GLIPR2: variants seen among roughly 807,000 people sequenced by gnomAD.
GLIPR2 encodes GLI pathogenesis related 2.
Under a neutral mutation model 20.4 loss-of-function variants are expected in GLIPR2, and 21 were observed. The ratio of observed to expected loss-of-function variants is 1.03; its 90% CI spans 0.73 to 1.48. GLIPR2 has a LOEUF of 1.48. Ranked by LOEUF, GLIPR2 falls within the 40% of genes most tolerant of loss-of-function variation. The pLI is 0.00. For synonymous variants in GLIPR2, 91 were observed against 80.5 expected (o/e 1.13, Z -0.70); for missense variants, 205 against 200.1 (o/e 1.02, Z -0.15).
At chr9:36,153,972 C>G (rs1289352086) in intron 4 of GLIPR2, among the ~76,000 whole-genome samples, 1 of 151,588 alleles carries the variant, frequency 6.6e-6, no homozygotes, top group African/African-American at 2.4e-5. Context: ...CAGCCCCACC[C>G]AGGCCAGGCC....
intron 4 of GLIPR2, among the ~76,000 whole-genome samples, chr9:36,154,017 G>A (rs71523103): frequency 2.6e-3 from 394 of 149,624 alleles, no homozygotes; most frequent in Non-Finnish European, 4.5e-3. Context: ...GTCAGTCACC[G>A]CTGTGTGCTG....
chr9:36,163,302 C>G lies in GLIPR2; in HGVS notation c.*780C>G, dbSNP rs1014676620. ...CTGGAGAGTTGGGCTAGGCCTGAAG[C>G]TCCCCCTCCCCCACCTCTGCTAGGC... On this transcript the variant is annotated 3_prime_UTR_variant, in exon 5 of 5. Coordinates refer to ENST00000377960, the MANE Select transcript of GLIPR2 (RefSeq NM_022343.4). 5.2e-6 allele frequency: 1 copy of G among 191,870 alleles called. No homozygotes were observed. Among genetic ancestry groups the G allele is most frequent in the African/African-American group, 2.4e-5 (1 of 41,716 alleles). 11.9% of individuals were successfully genotyped at this position (191,870 alleles called of 1,614,324 possible).
intron 4 of GLIPR2, among the ~76,000 whole-genome samples, chr9:36,159,862 A>G (rs1401999504): frequency 6.6e-6 from 1 of 152,146 alleles, no homozygotes; most frequent in Non-Finnish European, 1.5e-5. Flanking sequence ...GCTACTTGGA[A>G]GGCTGAGGCA....
chr9:36,152,750 CAAA>C (rs1217889590), intron 4 of GLIPR2, among the ~76,000 whole-genome samples: 8 of 41,630 alleles, frequency 1.9e-4, no homozygotes, highest in Non-Finnish European at 2.0e-4. Flanking sequence ...AACTCTGTCT[CAAA>C]AAAAAAAAAA....
intron 1 of GLIPR2, among the ~76,000 whole-genome samples, chr9:36,138,795 G>A (rs899986000): frequency 2.4e-4 from 37 of 152,230 alleles, no homozygotes; most frequent in Non-Finnish European, 1.0e-4. Context: ...AGGTGCTGGT[G>A]AAGGGTGGTG....
At chr9:36,148,279 G>A (rs1206161913) in intron 2 of GLIPR2, among the ~76,000 whole-genome samples, 1 of 151,342 alleles carries the variant, frequency 6.6e-6, no homozygotes, top group Non-Finnish European at 1.5e-5. Flanking sequence ...GGCCCTGCAT[G>A]GTTTTGGGGA....
intron 4 of GLIPR2, among the ~76,000 whole-genome samples, chr9:36,159,730 G>T (rs1825979560): frequency 6.6e-6 from 1 of 152,056 alleles, no homozygotes; most frequent in Non-Finnish European, 1.5e-5. Context: ...ACTTGGCTGG[G>T]CCAAGGCGAG....
intron 1 of GLIPR2, chr9:36,144,991 T>G (rs1345382756): frequency 6.6e-6 from 1 of 152,140 alleles, no homozygotes; most frequent in African/African-American, 2.4e-5. Flanking sequence ...TTGCATCATC[T>G]CCTCAGTCTC....
At chr9:36,137,731 C>T (rs1824890111) in intron 1 of GLIPR2, among the ~76,000 whole-genome samples, 1 of 152,254 alleles carries the variant, frequency 6.6e-6, no homozygotes, top group Admixed American at 6.5e-5. Context: ...TTGCTTCTGC[C>T]TCACAGGAGG....
chr9:36,145,812 G>T (rs1054979578), intron 1 of GLIPR2, among the ~76,000 whole-genome samples: 17 of 152,160 alleles, frequency 1.1e-4, no homozygotes, highest in Non-Finnish European at 2.1e-4. Flanking sequence ...ATGGATGGAT[G>T]GATGGGGATC....
intron 4 of GLIPR2, among the ~76,000 whole-genome samples, chr9:36,156,982 C>T (rs908452765): frequency 8.6e-5 from 13 of 151,976 alleles, no homozygotes; most frequent in African/African-American, 2.2e-4. Flanking sequence ...TATTAGAGCA[C>T]GTGTCAGAAT....
At chr9:36,162,196 G>A in intron 4 of GLIPR2, 166 bp from the exon 5 acceptor site, 1 of 1,511,374 alleles carries the variant, frequency 6.6e-7, no homozygotes, top group Non-Finnish European at 8.8e-7. Context: ...AAAGAAGTCA[G>A]GCAGTCAGAG....
At chr9:36,159,675 G>A (rs1825977112) in intron 4 of GLIPR2, among the ~76,000 whole-genome samples, 1 of 151,988 alleles carries the variant, frequency 6.6e-6, no homozygotes, top group African/African-American at 2.4e-5. Context: ...TAAATAAAAG[G>A]GTGTTTACAG....
Position 36,136,847 on chromosome 9 carries a change from C to G in GLIPR2, c.13+56C>G, listed in dbSNP as rs1824841286. 1.9e-5 allele frequency: 24 copies of G among 1,260,376 alleles called. No individual in the cohort carries two copies. Among genetic ancestry groups the G allele is most frequent in the Non-Finnish European group, 2.3e-5 (23 of 1,001,878 alleles). 78.1% of individuals were successfully genotyped at this position (1,260,376 alleles called of 1,614,324 possible). On this transcript the variant is annotated intron_variant, in intron 1 of 4. Coordinates refer to ENST00000377960, the MANE Select transcript of GLIPR2 (RefSeq NM_022343.4). The surrounding 1 kb of genome is among the most constrained non-coding windows in gnomAD (Gnocchi z 4.3). ...GGTTCGGAACCCCGCGCTCCCGGAC[C>G]TCGCCGTCTCCCTCGTCCGCCGCAA...
intron 1 of GLIPR2, among the ~76,000 whole-genome samples, chr9:36,137,472 C>CT (rs1824877620): frequency 6.6e-6 from 1 of 152,216 alleles, no homozygotes; most frequent in Non-Finnish European, 1.5e-5. Context: ...AGCTGGTGCA[C>CT]AGGTCCCTTC....
At chr9:36,143,509 C>T (rs1465898183) in intron 1 of GLIPR2, among the ~76,000 whole-genome samples, 8 of 152,210 alleles carry the variant, frequency 5.3e-5, no homozygotes. Flanking sequence ...CTGGACAACC[C>T]TGCCACTCAG....
intron 1 of GLIPR2, among the ~76,000 whole-genome samples, chr9:36,138,896 A>G (rs1824945945): frequency 6.6e-6 from 1 of 152,130 alleles, no homozygotes; most frequent in Non-Finnish European, 1.5e-5. Flanking sequence ...GGGAATTTAG[A>G]CTTCATCTTA....
rs1419544038 is a variant in GLIPR2 at position 36,162,238 on chromosome 9, T to C, written c.305-124T>C. 3 of 1,590,892 alleles carry C rather than the reference T, an allele frequency of 1.9e-6. No individual in the cohort carries two copies. In the Admixed American group the frequency reaches 5.3e-5, roughly 28 times the overall value. ...CTCTCTCCTTCCCCTGCAGGGGGTC[T>C]GTGAAGACCATGCTGACCTGAGCCT... On this transcript the variant is annotated intron_variant, in intron 4 of 4. Transcript: ENST00000377960.
rs1447947562 is a variant in GLIPR2 at position 36,162,965 on chromosome 9, T to C, written c.*443T>C. Reference sequence around the variant, plus strand: ...GATAATTAAGATTATTAAACCCTCATTTAAATGTGACATAAAATACAGCTT... The same window carrying C: ...GATAATTAAGATTATTAAACCCTCACTTAAATGTGACATAAAATACAGCTT... On this transcript the variant is annotated 3_prime_UTR_variant, in exon 5 of 5. Coordinates refer to ENST00000377960, the MANE Select transcript of GLIPR2 (RefSeq NM_022343.4). 8.9e-6 allele frequency: 4 copies of C among 447,210 alleles called. No individual in the cohort carries two copies. The Admixed American group carries it at 1.0e-4, about 11-fold the overall frequency. The allele number at this position is 447,210 out of a possible 1,614,324, so 27.7% of individuals were successfully genotyped here. A position where few individuals can be genotyped will look rare whatever the true frequency, so the allele number is the denominator to read the frequency against.
Sources: allele counts gnomAD v4.1 joint callset (sites outside exome capture counted in the v4.1 genomes callset), GRCh38; gene constraint gnomAD v4.1.1; non-coding constraint Gnocchi (gnomAD v3.1); transcripts MANE v1.5; gene names NCBI Gene and HGNC (gene_info 2026-07-23, HGNC 2026-07-21).